DIP2C: variants seen among roughly 807,000 people sequenced by gnomAD.
The protein encoded by DIP2C is disco-interacting protein 2 homolog C.
A neutral mutation model predicts 192.4 loss-of-function variants in DIP2C; 33 were observed. The ratio of observed to expected loss-of-function variants is 0.17; its 90% CI spans 0.13 to 0.23. The LOEUF (loss-of-function observed/expected upper bound fraction) is 0.23. Ranked by LOEUF, DIP2C falls within the 10% of genes least tolerant of loss-of-function variation. The pLI, the probability that DIP2C is intolerant of heterozygous loss-of-function variation, is 1.00. For synonymous variants in DIP2C, 979 were observed against 864.1 expected (o/e 1.13, Z -2.33); for missense variants, 1,537 against 2,110.1 (o/e 0.73, Z 5.32).
At chr10:422,392 C>T (rs1004061869) in intron 5 of DIP2C, among the ~76,000 whole-genome samples, 5 of 152,172 alleles carry the variant, frequency 3.3e-5, no homozygotes, top group Non-Finnish European at 5.9e-5. Flanking sequence ...ATAGAACCTA[C>T]ACAAAGCAGT....
intron 1 of DIP2C, among the ~76,000 whole-genome samples, chr10:598,228 T>C (rs1195710862): frequency 4.0e-5 from 6 of 151,038 alleles, no homozygotes; most frequent in African/African-American, 7.3e-5. Flanking sequence ...CACGAGGGCC[T>C]CCCTCCCCAC....
At chr10:612,147 G>A (rs1264348333) in intron 1 of DIP2C, among the ~76,000 whole-genome samples, 3 of 152,048 alleles carry the variant, frequency 2.0e-5, no homozygotes, top group African/African-American at 7.2e-5. Flanking sequence ...CGAAAAATGA[G>A]CCAGCCATGG....
intron 2 of DIP2C, among the ~76,000 whole-genome samples, chr10:483,077 G>A (rs114062753): frequency 0.015 from 2,352 of 152,286 alleles, 66 homozygotes; most frequent in African/African-American, 0.054. Flanking sequence ...TGGAGGCCCC[G>A]ACAGACGCTG....
chr10:277,939 T>C (rs1319147415), intron 36 of DIP2C, among the ~76,000 whole-genome samples: 1 of 152,224 alleles, frequency 6.6e-6, no homozygotes. Flanking sequence ...AACAGTGCAG[T>C]GTGCCATCAG....
At chr10:597,250 C>T (rs190913779) in intron 1 of DIP2C, among the ~76,000 whole-genome samples, 1 of 152,332 alleles carries the variant, frequency 6.6e-6, no homozygotes, top group East Asian at 1.9e-4. Flanking sequence ...CTCCGCTTCT[C>T]AAGCCTTTGA....
At chr10:456,151 C>T (rs1281138712) in intron 3 of DIP2C, among the ~76,000 whole-genome samples, 2 of 125,360 alleles carry the variant, frequency 1.6e-5, no homozygotes, top group Non-Finnish European at 3.4e-5. Flanking sequence ...GATGAAAACA[C>T]TCTGCAGTGA....
intron 1 of DIP2C, among the ~76,000 whole-genome samples, chr10:607,806 C>T (rs184662473): frequency 7.1e-4 from 108 of 152,172 alleles, no homozygotes; most frequent in African/African-American, 2.5e-3. Context: ...AATTTATAAT[C>T]TTCAAAATGT....
intron 1 of DIP2C, among the ~76,000 whole-genome samples, chr10:487,102 A>G (rs1340348303): frequency 1.3e-5 from 2 of 152,252 alleles, no homozygotes. Context: ...GCAAGAATCC[A>G]CATGTTAAAG....
At position 689,489 on chromosome 10, in the gene DIP2C, G is replaced by C; in HGVS notation, c.85+5C>G. The C allele has an allele frequency of 8.1e-7, 1 of 1,235,570 alleles. No individual in the cohort carries two copies. The highest frequency in any genetic ancestry group is 1.8e-5 in the South Asian group (1 of 57,008). 76.5% of individuals were successfully genotyped at this position (1,235,570 alleles called of 1,614,324 possible). On this transcript the variant is annotated splice_donor_5th_base_variant and intron_variant, in intron 1 of 36. Coordinates refer to ENST00000280886, the MANE Select transcript of DIP2C (RefSeq NM_014974.3). The surrounding 1 kb of genome is among the most constrained non-coding windows in gnomAD (Gnocchi z 6.1). ...CGGCCCGGCCCGGGGCGGGGGCCCGGTTACCTTCCGACAGCTCCAGCTCCA... is the reference window on the plus strand; with the variant it reads ...CGGCCCGGCCCGGGGCGGGGGCCCGCTTACCTTCCGACAGCTCCAGCTCCA...
chr10:525,399 G>T (rs986963187), intron 1 of DIP2C, among the ~76,000 whole-genome samples: 1 of 152,168 alleles, frequency 6.6e-6, no homozygotes, highest in African/African-American at 2.4e-5. Flanking sequence ...ATCTCAGAAT[G>T]AAAATACATA....
chr10:386,076 G>A (rs768026268), intron 14 of DIP2C, among the ~76,000 whole-genome samples: 9 of 152,148 alleles, frequency 5.9e-5, no homozygotes, highest in Non-Finnish European at 1.3e-4. Context: ...TCAGAGAGGC[G>A]GCCCCGCGAC....
chr10:296,032 A>T (rs1955738066), intron 32 of DIP2C, among the ~76,000 whole-genome samples: 2 of 152,260 alleles, frequency 1.3e-5, no homozygotes, highest in South Asian at 4.1e-4. Context: ...CCTTTGTCAA[A>T]TGGGTTGATT....
chr10:414,737 G>GTGTGTGTATATATATATATATATATA (rs1965451737), intron 7 of DIP2C, among the ~76,000 whole-genome samples: 1 of 55,780 alleles, frequency 1.8e-5, no homozygotes, highest in Non-Finnish European at 3.8e-5. Context: ...GTGTGTGTGT[G>GTGTGTGTATATATATATATATATATA]TGTACATATA....
chr10:614,957 A>G (rs1320480973), intron 1 of DIP2C, among the ~76,000 whole-genome samples: 2 of 152,212 alleles, frequency 1.3e-5, no homozygotes, highest in African/African-American at 4.8e-5. Context: ...GCCAAGAGAC[A>G]AGAGACAATG....
At chr10:599,807 T>C (rs956577180) in intron 1 of DIP2C, among the ~76,000 whole-genome samples, 1 of 152,120 alleles carries the variant, frequency 6.6e-6, no homozygotes, top group Non-Finnish European at 1.5e-5. Flanking sequence ...GGGGACGAGC[T>C]GTGTTTTAAG....
In DIP2C at chr10:477,280, A is replaced by G. The variant is rs78460041; in HGVS notation, c.158-4731T>C. On this transcript the variant is annotated intron_variant, in intron 2 of 36. Coordinates refer to ENST00000280886, the MANE Select transcript of DIP2C (RefSeq NM_014974.3). ...TGGATAGGAGGTAGAGAAGGAAGGG[A>G]AGGAAGAGACGGGAGGAAGGTGGAT... 5.2e-3 allele frequency among the ~76,000 whole-genome samples: 344 copies of G among 66,534 alleles called. 12 individuals are homozygous for G. Among genetic ancestry groups the G allele is most frequent in the African/African-American group, 0.026 (323 of 12,524 alleles). The allele number at this position is 66,534 out of a possible 152,430, so 43.6% of individuals were successfully genotyped here. A position where few individuals can be genotyped will look rare whatever the true frequency, so the allele number is the denominator to read the frequency against.
intron 6 of DIP2C, among the ~76,000 whole-genome samples, chr10:417,400 CAAG>C (rs1564683754): frequency 1.3e-5 from 2 of 150,594 alleles, no homozygotes; most frequent in African/African-American, 4.9e-5. Flanking sequence ...ACTAAAATGA[CAAG>C]AATAACAAAA....
intron 26 of DIP2C, among the ~76,000 whole-genome samples, chr10:347,548 C>T (rs1202796215): frequency 7.9e-6 from 1 of 125,878 alleles, no homozygotes. Context: ...AGACACATCG[C>T]GCATAGCTCT....
At chr10:560,448 C>G (rs1398062305) in intron 1 of DIP2C, among the ~76,000 whole-genome samples, 1 of 152,116 alleles carries the variant, frequency 6.6e-6, no homozygotes, top group Non-Finnish European at 1.5e-5. Context: ...TCTCGAGTCA[C>G]TTAATGTATC....
Sources: allele counts gnomAD v4.1 joint callset (sites outside exome capture counted in the v4.1 genomes callset), GRCh38; gene constraint gnomAD v4.1.1; non-coding constraint Gnocchi (gnomAD v3.1); transcripts MANE v1.5; gene names NCBI Gene and HGNC (gene_info 2026-07-23, HGNC 2026-07-21).